The following FAM117B variants were observed in gnomAD, a reference collection of about 807,000 sequenced individuals.
FAM117B encodes the protein family with sequence similarity 117 member B.
A neutral mutation model predicts 52.8 loss-of-function variants in FAM117B; 22 were observed. The observed-to-expected ratio is 0.42, with a 90% CI of 0.30 to 0.59. The LOEUF (loss-of-function observed/expected upper bound fraction) is 0.59, where lower values mean the gene tolerates loss of function less well. FAM117B is among the 20% of genes least tolerant of loss of function. The pLI, the probability that FAM117B is intolerant of heterozygous loss-of-function variation, is 0.22. For synonymous variants in FAM117B, 309 were observed against 324.1 expected (o/e 0.95, Z 0.50); for missense variants, 678 against 802.6 (o/e 0.84, Z 1.88).
intron 4 of FAM117B, among the ~76,000 whole-genome samples, chr2:202,729,303 C>T (rs999607173): frequency 1.3e-5 from 2 of 151,602 alleles, no homozygotes; most frequent in African/African-American, 2.4e-5. Flanking sequence ...CACTGCACTC[C>T]AGCCTGGGTG....
At position 202,635,315 on chromosome 2, in the gene FAM117B, T is replaced by G; in HGVS notation, c.128T>G (p.Leu43Arg). 1 of 1,409,176 alleles carries G rather than the reference T, an allele frequency of 7.1e-7. No individual in the cohort carries two copies. Among genetic ancestry groups the G allele is most frequent in the South Asian group, 1.5e-5 (1 of 68,616 alleles). 87.3% of individuals were successfully genotyped at this position (1,409,176 alleles called of 1,614,324 possible). The part of the protein sequence containing the change: ...QPMRATVPFQ[L>R]KQQQQQQHGS... ...ATGAGGGCGACGGTTCCGTTCCAGC[T>G]GAAGCAGCAGCAGCAGCAGCAACAT... Residue 43 changes from leucine to arginine, a missense_variant, in exon 1 of 8, where the codon CTG (leucine) becomes CGG (arginine). By Grantham distance (102) the Leu-to-Arg change is moderately radical (BLOSUM62 -2). Transcript: ENST00000392238.
At chr2:202,640,850 A>G (rs151236151) in intron 1 of FAM117B, among the ~76,000 whole-genome samples, 13 of 152,242 alleles carry the variant, frequency 8.5e-5, no homozygotes, top group Admixed American at 3.9e-4. Flanking sequence ...AGCTCAAGCT[A>G]TCTGCCTGCC....
At chr2:202,706,296 A>AT (rs998341786) in intron 2 of FAM117B, among the ~76,000 whole-genome samples, 5 of 152,098 alleles carry the variant, frequency 3.3e-5, no homozygotes, top group African/African-American at 1.2e-4. Flanking sequence ...TTCTGAGGCT[A>AT]TTTTTTTAAA....
chr2:202,763,070 C>A (rs962555003), intron 7 of FAM117B, among the ~76,000 whole-genome samples: 4 of 106,972 alleles, frequency 3.7e-5, no homozygotes, highest in African/African-American at 1.5e-4. Context: ...AGTCTTAAGT[C>A]TTTTTTTTTT....
intron 1 of FAM117B, among the ~76,000 whole-genome samples, chr2:202,690,738 C>G (rs1005690976): frequency 6.6e-6 from 1 of 152,082 alleles, no homozygotes; most frequent in Admixed American, 6.5e-5. Context: ...AGTGAGGCTT[C>G]AGAGGCCAGA....
At chr2:202,711,707 G>T (rs1444853984) in intron 2 of FAM117B, among the ~76,000 whole-genome samples, 1 of 152,066 alleles carries the variant, frequency 6.6e-6, no homozygotes, top group Non-Finnish European at 1.5e-5. Context: ...AATCCATTTT[G>T]ATTTCATTTT....
chr2:202,726,168 T>G (rs1285590400), intron 3 of FAM117B, 82 bp from the exon 4 acceptor site: 4 of 886,166 alleles, frequency 4.5e-6, no homozygotes, highest in Non-Finnish European at 5.4e-6. Context: ...AGGGTAAGTT[T>G]TACTGGTTCT....
chr2:202,747,667 G>C (rs1006547938), intron 4 of FAM117B, among the ~76,000 whole-genome samples: 3 of 151,862 alleles, frequency 2.0e-5, no homozygotes. Context: ...CAGTGAACTA[G>C]CTAAAAAAGA....
chr2:202,703,308 A>G (rs1226086343), intron 2 of FAM117B, among the ~76,000 whole-genome samples: 1 of 152,180 alleles, frequency 6.6e-6, no homozygotes. Flanking sequence ...TTCACTTAGC[A>G]TAATGTTTTT....
intron 2 of FAM117B, among the ~76,000 whole-genome samples, chr2:202,723,387 A>G (rs575838865): frequency 6.6e-6 from 1 of 152,300 alleles, no homozygotes; most frequent in African/African-American, 2.4e-5. Context: ...AGAAGGGTAT[A>G]CACTAAGGGT....
intron 1 of FAM117B, among the ~76,000 whole-genome samples, chr2:202,672,157 T>C (rs1234778350): frequency 5.3e-5 from 8 of 152,366 alleles, no homozygotes; most frequent in African/African-American, 1.9e-4. Context: ...ATCACATTTA[T>C]TCTTTTTTAT....
At position 202,754,516 on chromosome 2, in the gene FAM117B, AC is replaced by A. The variant is rs573045394; in HGVS notation, c.961-1014del. ...TAAGAAGAAACAAAAACAATAATAA[AC>A]CCCCCCCAGAATATAAATAATTATA... On this transcript the variant is annotated intron_variant, in intron 4 of 7. Coordinates refer to ENST00000392238, the MANE Select transcript of FAM117B (RefSeq NM_173511.4). Among the ~76,000 whole-genome samples, 6 of 150,778 alleles carry A rather than the reference AC, an allele frequency of 4.0e-5. No individual in the cohort carries two copies. In the East Asian group the frequency reaches 5.8e-4, roughly 15 times the overall value.
At chr2:202,722,943 G>C (rs1691177524) in intron 2 of FAM117B, among the ~76,000 whole-genome samples, 1 of 152,028 alleles carries the variant, frequency 6.6e-6, no homozygotes, top group Non-Finnish European at 1.5e-5. Flanking sequence ...TTTACATGTT[G>C]ATCTTTGTGA....
In FAM117B at chr2:202,711,857, G is replaced by A. The variant is rs77914979; in HGVS notation, c.754-13060G>A. 1.9e-3 allele frequency among the ~76,000 whole-genome samples: 283 copies of A among 152,228 alleles called. 13 individuals are homozygous for A. The East Asian group carries it at 0.05, about 27-fold the overall frequency. On this transcript the variant is annotated intron_variant, in intron 2 of 7. Transcript: ENST00000392238. ...TGTCAAAACTGAGTTCACTGTAGAT[G>A]TATGGATTTATCTCTGGATTCTCTC...
At chr2:202,640,318 A>ATG (rs1574536748) in intron 1 of FAM117B, among the ~76,000 whole-genome samples, 1 of 112,142 alleles carries the variant, frequency 8.9e-6, no homozygotes, top group East Asian at 2.7e-4. Context: ...ATATATATAT[A>ATG]TATATATATA....
Position 202,640,340 on chromosome 2 carries a change from A to ATATGTG in FAM117B, c.601+4556_601+4557insTGTATG, listed in dbSNP as rs1553517979. On this transcript the variant is annotated intron_variant, in intron 1 of 7. Transcript: ENST00000392238. The stretch of plus-strand genomic sequence containing the variant: ...TATATATATATATATATATATATAT[A>ATATGTG]TATGGCAAGTCGTGTTCTTGCTAGT... Among the ~76,000 whole-genome samples the ATATGTG allele has an allele frequency of 3.8e-4, 40 of 105,724 alleles. 4 individuals are homozygous for ATATGTG. Among genetic ancestry groups the ATATGTG allele is most frequent in the African/African-American group, 1.5e-3 (35 of 23,096 alleles). 69.4% of individuals were successfully genotyped at this position (105,724 alleles called of 152,430 possible).
At chr2:202,764,404 A>G (rs1297520351) in intron 7 of FAM117B, among the ~76,000 whole-genome samples, 1 of 151,552 alleles carries the variant, frequency 6.6e-6, no homozygotes, top group African/African-American at 2.4e-5. Flanking sequence ...AGCAGGGACT[A>G]CAGGTGCATG....
intron 4 of FAM117B, among the ~76,000 whole-genome samples, chr2:202,742,200 G>T (rs896451829): frequency 6.6e-6 from 1 of 152,106 alleles, no homozygotes; most frequent in Non-Finnish European, 1.5e-5. Flanking sequence ...AACTTGCTAC[G>T]TAAAGCTCAT....
intron 1 of FAM117B, among the ~76,000 whole-genome samples, chr2:202,647,188 A>G (rs1223104786): frequency 6.6e-6 from 1 of 152,164 alleles, no homozygotes; most frequent in African/African-American, 2.4e-5. Context: ...GAAAATTTAT[A>G]ATGTTTATAG....
Sources: allele counts gnomAD v4.1 joint callset (sites outside exome capture counted in the v4.1 genomes callset), GRCh38; gene constraint gnomAD v4.1.1; transcripts MANE v1.5; gene names NCBI Gene and HGNC (gene_info 2026-07-23, HGNC 2026-07-21).